Variants in PARP4 observed in about 807,000 individuals in gnomAD.
PARP4 encodes the protein protein mono-ADP-ribosyltransferase PARP4.
A neutral mutation model predicts 187.7 loss-of-function variants in PARP4; 120 were observed. The observed-to-expected ratio is 0.64, with a 90% CI of 0.55 to 0.74. The LOEUF (loss-of-function observed/expected upper bound fraction) is 0.74, where lower values mean the gene tolerates loss of function less well. Ranked by LOEUF, PARP4 falls within the 30% of genes least tolerant of loss-of-function variation. The pLI is 0.00. For missense variants in PARP4, 1,836 were observed against 2,070.5 expected (o/e 0.89, Z 2.20); for synonymous variants, 654 against 740.9 (o/e 0.88, Z 1.90).
chr13:24,426,067 A>G (rs1207120311), intron 33 of PARP4, among the ~76,000 whole-genome samples: 1 of 152,202 alleles, frequency 6.6e-6, no homozygotes, highest in Non-Finnish European at 1.5e-5. Flanking sequence ...ATAAACTACA[A>G]AGTTATAAAC....
At chr13:24,509,047 T>A (rs1869857409) in intron 1 of PARP4, among the ~76,000 whole-genome samples, 1 of 152,148 alleles carries the variant, frequency 6.6e-6, no homozygotes, top group African/African-American at 2.4e-5. Context: ...TCTCCAACAA[T>A]CATCTTAGAA....
Position 24,434,671 on chromosome 13 carries a change from C to T in PARP4, c.4470G>A (p.Gln1490=), listed in dbSNP as rs759801298. The change falls in exon 31 of 34, where the codon CAG becomes CAA. Residue 1490 remains glutamine, a synonymous_variant. Coordinates refer to ENST00000381989, the MANE Select transcript of PARP4 (RefSeq NM_006437.4). ...AGAGATCTACTGGGGTAGTCCGGGA[C>T]TGACTGCAAAGAGCCTCAGGTAAAG... is the stretch of plus-strand genomic sequence containing the variant. The part of the protein sequence containing the change: ...ASALPEALCS[Q]SRTTPVDLCL... The T allele has an allele frequency of 1.2e-6, 2 of 1,614,120 alleles. No individual in the cohort carries two copies. Among genetic ancestry groups the T allele is most frequent in the Non-Finnish European group, 1.7e-6 (2 of 1,180,020 alleles).
chr13:24,461,398 G>A (rs1872209272), intron 17 of PARP4, among the ~76,000 whole-genome samples: 1 of 152,194 alleles, frequency 6.6e-6, no homozygotes, highest in African/African-American at 2.4e-5. Context: ...ATAGGTGGAT[G>A]CAGAAAATGT....
At position 24,446,685 on chromosome 13, in the gene PARP4, C is replaced by T; in HGVS notation, c.3362G>A (p.Gly1121Glu). 2.6e-6 allele frequency: 4 copies of T among 1,565,478 alleles called. No homozygotes were observed. The highest frequency in any genetic ancestry group is 3.5e-6 in the Non-Finnish European group (4 of 1,135,570). Residue 1121 changes from glycine to glutamate, a missense_variant, in exon 27 of 34, where the codon GGA becomes GAA. Around this residue, in one of 8 missense-constraint regions of PARP4, gnomAD observed 56 missense variants for 56.6 expected, o/e 0.99. Transcript: ENST00000381989. ...AGTTTAGGTTTTGAATCTTACAGTT[C>T]CAGTTGTCTTCTGAAGCTCAGTAGT... ...VSTTELQKTT[G>E]TMIHKLAARA...
Position 24,498,205 on chromosome 13 carries a change from C to T in PARP4, c.502G>A (p.Ala168Thr), listed in dbSNP as rs763555639. 7.4e-6 allele frequency: 12 copies of T among 1,613,248 alleles called. No individual in the cohort carries two copies. In the East Asian group the frequency reaches 1.3e-4, roughly 18 times the overall value. ...GAACACTGAAGCTCCACCACCACAG[C>T]TTCCTGGCCTCCCTCCATTCCCACC... ...EKVGMEGGQE[A>T]VVVELQCSRD... The change falls in exon 6 of 34, where the codon GCT becomes ACT. Residue 168 changes from alanine to threonine, a missense_variant. This residue lies in a region of PARP4 where 1,147 missense variants were observed against 1,214.2 expected (regional missense o/e 0.94). Transcript: ENST00000381989.
chr13:24,438,574 T>C (rs544105161), intron 30 of PARP4, among the ~76,000 whole-genome samples: 29 of 152,320 alleles, frequency 1.9e-4, no homozygotes, highest in African/African-American at 5.8e-4. Context: ...AATCTCTGCC[T>C]CTCGCTTGTT....
chr13:24,450,826 G>C (rs900884928), intron 24 of PARP4, among the ~76,000 whole-genome samples: 1 of 152,154 alleles, frequency 6.6e-6, no homozygotes, highest in African/African-American at 2.4e-5. Context: ...CTTGGAGCAG[G>C]CTCCCCCACT....
chr13:24,480,005 C>T (rs939729124), intron 12 of PARP4, among the ~76,000 whole-genome samples: 3 of 151,944 alleles, frequency 2.0e-5, no homozygotes, highest in African/African-American at 7.3e-5. Context: ...AGGTCTGCAG[C>T]TTCACTCCTG....
chr13:24,510,033 T>C (rs1416377935), intron 1 of PARP4, among the ~76,000 whole-genome samples: 2 of 152,172 alleles, frequency 1.3e-5, no homozygotes, highest in Admixed American at 6.5e-5. Flanking sequence ...TTTGGTGTTA[T>C]TATTTCTTGT....
At chr13:24,508,379 T>G (rs901766161) in intron 1 of PARP4, among the ~76,000 whole-genome samples, 1 of 152,062 alleles carries the variant, frequency 6.6e-6, no homozygotes, top group African/African-American at 2.4e-5. Context: ...AAGTGACTCA[T>G]GGTCACTGTT....
intron 17 of PARP4, among the ~76,000 whole-genome samples, chr13:24,467,950 T>A (rs552046734): frequency 1.3e-4 from 20 of 152,194 alleles, no homozygotes; most frequent in Non-Finnish European, 2.5e-4. Context: ...CTTCATTACT[T>A]ATTCCCATCC....
chr13:24,461,938 A>G (rs1439655659), intron 17 of PARP4, among the ~76,000 whole-genome samples: 2 of 152,194 alleles, frequency 1.3e-5, no homozygotes, highest in Non-Finnish European at 2.9e-5. Flanking sequence ...TAGGCCCAGG[A>G]TCCTGCACTA....
intron 27 of PARP4, among the ~76,000 whole-genome samples, chr13:24,446,241 C>T (rs1775415736): frequency 6.6e-6 from 1 of 152,142 alleles, no homozygotes; most frequent in Admixed American, 6.5e-5. Context: ...TATTGCCACC[C>T]ACTGATGCCC....
At chr13:24,486,881 C>CG (rs973839373) in intron 10 of PARP4, among the ~76,000 whole-genome samples, 2 of 145,410 alleles carry the variant, frequency 1.4e-5, no homozygotes, top group African/African-American at 2.6e-5. Flanking sequence ...GAACCCGGGG[C>CG]GGGGGGTGGT....
At position 24,492,551 on chromosome 13, in the gene PARP4, A is replaced by T; in HGVS notation, c.923T>A (p.Leu308Gln). The T allele has an allele frequency of 6.2e-7, 1 of 1,614,064 alleles. No homozygotes were observed. Among genetic ancestry groups the T allele is most frequent in the South Asian group, 1.1e-5 (1 of 91,070 alleles). The change falls in exon 9 of 34, where the codon CTG becomes CAG. Residue 308 changes from leucine (L) to glutamine (Q), a missense_variant. Transcript: ENST00000381989. The stretch of plus-strand genomic sequence containing the variant: ...TTGCTCTGCTGTTTCTCCATTTTTC[A>T]GTGCTGCCTTTACTAGAAGGAGAAT... Reference protein sequence around the residue: ...EGILLLVKAALKNGETAEQLQ... With the variant: ...EGILLLVKAAQKNGETAEQLQ...
chr13:24,499,113 T>A (rs546128046), intron 5 of PARP4, among the ~76,000 whole-genome samples, 188 bp downstream of exon 5: 12 of 152,194 alleles, frequency 7.9e-5, no homozygotes, highest in African/African-American at 2.6e-4. Flanking sequence ...AGCAAAATAG[T>A]GAGATTCTGT....
At position 24,492,499 on chromosome 13, in the gene PARP4, G is replaced by A. The variant is rs1868714771; in HGVS notation, c.975C>T (p.Tyr325=). The change falls in exon 9 of 34, where the codon TAC becomes TAT. Residue 325 remains tyrosine, a synonymous_variant. Transcript: ENST00000381989. ...EQLQKMMTEF[Y]RLIPHKGTMP... ...TTGTGCCTTTGTGAGGTATCAGTCT[G>A]TAAAACTCTGTCATCATCTTTTGCA... The A allele has an allele frequency of 1.9e-6, 3 of 1,614,014 alleles. No individual in the cohort carries two copies. Among genetic ancestry groups the A allele is most frequent in the East Asian group, 2.2e-5 (1 of 44,874 alleles).
chr13:24,447,947 C>T (rs900388574), intron 25 of PARP4, among the ~76,000 whole-genome samples: 4 of 152,164 alleles, frequency 2.6e-5, no homozygotes, highest in Non-Finnish European at 5.9e-5. Context: ...TGGCTCATGC[C>T]TGTAATCCCA....
In PARP4 at chr13:24,501,667, G is replaced by T. The variant is rs746919049; in HGVS notation, c.300C>A (p.Ile100=). ...KNYDPYKPLD[I]TPPPDQKASS... ...TCGCCTTCTGATCAGGAGGTGGTGTGATGTCCAGGGGCTTATAAGGATCAT... is the reference window on the plus strand; with the variant it reads ...TCGCCTTCTGATCAGGAGGTGGTGTTATGTCCAGGGGCTTATAAGGATCAT... The change falls in exon 3 of 34, where the codon ATC becomes ATA. Residue 100 remains isoleucine (I), a synonymous_variant. Transcript: ENST00000381989. 6.2e-7 allele frequency: 1 copy of T among 1,613,342 alleles called. No homozygotes were observed. Among genetic ancestry groups the T allele is most frequent in the East Asian group, 2.2e-5 (1 of 44,868 alleles).
Sources: gnomAD v4.1 joint callset for allele counts (sites outside exome capture counted in the v4.1 genomes callset) on GRCh38, gnomAD v4.1.1 for gene constraint, gnomAD v4.1.1 regional missense constraint, MANE v1.5 for transcripts, NCBI Gene and HGNC (gene_info 2026-07-23, HGNC 2026-07-21) for gene names.